Variants in CCNG2 observed in about 807,000 individuals in gnomAD.
The protein encoded by CCNG2 is cyclin-G2.
A neutral mutation model predicts 36.5 loss-of-function variants in CCNG2; 20 were observed. That is an observed-to-expected ratio of 0.55 (90% CI 0.39 to 0.80). CCNG2 has a LOEUF of 0.80. CCNG2 is among the 30% of genes least tolerant of loss of function. The pLI is 0.00. For missense variants in CCNG2, 358 were observed against 390.8 expected (o/e 0.92, Z 0.71); for synonymous variants, 155 against 140.1 (o/e 1.11, Z -0.75).
At chr4:77,159,593 T>G in intron 3 of CCNG2, 89 bp downstream of exon 3, 708 of 1,259,080 alleles carry the variant, frequency 5.6e-4, no homozygotes, top group Non-Finnish European at 7.3e-4. Flanking sequence ...CGAATGGGTA[T>G]AATAACGTCC....
chr4:77,158,329 C>T lies in CCNG2; in HGVS notation c.1-204C>T, dbSNP rs933485225. On this transcript the variant is annotated intron_variant, in intron 1 of 7. Transcript: ENST00000316355. Reference sequence around the variant, plus strand: ...CCCAGCGCTGGCCGGCGGACCTGACCACGGCTCCTCCCCCTGCCACACCTC... The same window carrying T: ...CCCAGCGCTGGCCGGCGGACCTGACTACGGCTCCTCCCCCTGCCACACCTC... 5.3e-6 allele frequency: 3 copies of T among 567,962 alleles called. No individual in the cohort carries two copies. In the Admixed American group the frequency reaches 9.7e-5, roughly 18 times the overall value. 35.2% of individuals were successfully genotyped at this position (567,962 alleles called of 1,614,324 possible). A position where few individuals can be genotyped will look rare whatever the true frequency, so the allele number is the denominator to read the frequency against.
In CCNG2 at chr4:77,167,489, T is replaced by C. The variant is rs142758573; in HGVS notation, c.*1565T>C. On this transcript the variant is annotated 3_prime_UTR_variant, in exon 8 of 8. Transcript: ENST00000316355. ...TCAGTGAGAGGCAACAGGTATTAAG[T>C]AGAACAGAATGCTCAGGTTGGCAGA... 10 of 152,336 alleles carry C rather than the reference T, an allele frequency of 6.6e-5. No individual in the cohort carries two copies. The highest frequency in any genetic ancestry group is 1.7e-4 in the African/African-American group (7 of 41,578). The allele number at this position is 152,336 out of a possible 1,614,324, so 9.4% of individuals were successfully genotyped here. A position where few individuals can be genotyped will look rare whatever the true frequency, so the allele number is the denominator to read the frequency against.
At position 77,168,006 on chromosome 4, in the gene CCNG2, T is replaced by A. The variant is rs1428927002; in HGVS notation, c.*2082T>A. On this transcript the variant is annotated 3_prime_UTR_variant, in exon 8 of 8. Transcript: ENST00000316355. ...ACTGGATATTTTTCCTGGGTAAGCA[T>A]CTTTGTGGCTTCATCTCTTCCCCCT... is the stretch of plus-strand genomic sequence containing the variant. The A allele has an allele frequency of 6.6e-6, 1 of 152,228 alleles. No homozygotes were observed. Among genetic ancestry groups the A allele is most frequent in the Non-Finnish European group, 1.5e-5 (1 of 68,056 alleles). The allele number at this position is 152,228 out of a possible 1,614,324, so 9.4% of individuals were successfully genotyped here. A position where few individuals can be genotyped will look rare whatever the true frequency, so the allele number is the denominator to read the frequency against.
chr4:77,167,246 A>T lies in CCNG2; in HGVS notation c.*1322A>T, dbSNP rs1453222139. 6.6e-6 allele frequency: 1 copy of T among 152,190 alleles called. No homozygotes were observed. The highest frequency in any genetic ancestry group is 2.4e-5 in the African/African-American group (1 of 41,440). The allele number at this position is 152,190 out of a possible 1,614,324, so 9.4% of individuals were successfully genotyped here. A position where few individuals can be genotyped will look rare whatever the true frequency, so the allele number is the denominator to read the frequency against. On this transcript the variant is annotated 3_prime_UTR_variant, in exon 8 of 8. Transcript: ENST00000316355. ...ATCACATCTTAATTTTTAATCTGTT[A>T]AAAGTTCTTGATGTATTTTAATGAG...
chr4:77,169,136 T>C lies in CCNG2; in HGVS notation c.*3212T>C, dbSNP rs1731704560. On this transcript the variant is annotated 3_prime_UTR_variant, in exon 8 of 8. Coordinates refer to ENST00000316355, the MANE Select transcript of CCNG2 (RefSeq NM_004354.3). The stretch of plus-strand genomic sequence containing the variant: ...TAGAGAGGCATTGGCTTCAGAACAC[T>C]CCTCGTGACAATTTTAACCATTTTC... The C allele has an allele frequency of 2.0e-5, 3 of 152,224 alleles. No individual in the cohort carries two copies. Among genetic ancestry groups the C allele is most frequent in the African/African-American group, 7.2e-5 (3 of 41,458 alleles). The allele number at this position is 152,224 out of a possible 1,614,324, so 9.4% of individuals were successfully genotyped here. A position where few individuals can be genotyped will look rare whatever the true frequency, so the allele number is the denominator to read the frequency against.
chr4:77,161,085 C>G (rs1369012647), intron 4 of CCNG2, 114 bp downstream of exon 4: 1 of 482,458 alleles, frequency 2.1e-6, no homozygotes, highest in East Asian at 3.7e-5. Flanking sequence ...TCAACTTTGA[C>G]TTTATTGGTA....
chr4:77,165,334 T>C (rs1731598152), intron 7 of CCNG2, among the ~76,000 whole-genome samples: 1 of 152,228 alleles, frequency 6.6e-6, no homozygotes, highest in South Asian at 2.1e-4. Context: ...TCTACAATTC[T>C]AATACTTGCT....
In CCNG2 at chr4:77,165,973, A is replaced by T. The variant is rs755160242; in HGVS notation, c.*49A>T. 33 of 1,544,920 alleles carry T rather than the reference A, an allele frequency of 2.1e-5. No homozygotes were observed. Among genetic ancestry groups the T allele is most frequent in the Admixed American group, 1.8e-4 (9 of 50,026 alleles). On this transcript the variant is annotated 3_prime_UTR_variant, in exon 8 of 8. Transcript: ENST00000316355. ...TTATATTTACAGGTTTCAAAGCAAT[A>T]AATGGGGGAATAGGTAGTTTCCTGG...
At position 77,166,058 on chromosome 4, in the gene CCNG2, C is replaced by G. The variant is rs1310467215; in HGVS notation, c.*134C>G. On this transcript the variant is annotated 3_prime_UTR_variant, in exon 8 of 8. Coordinates refer to ENST00000316355, the MANE Select transcript of CCNG2 (RefSeq NM_004354.3). ...GAATACCTACCTTCTATTTGTTATT[C>G]AGATCAGATCTGGCCTATTTTCATA... is the stretch of plus-strand genomic sequence containing the variant. 1 of 790,918 alleles carries G rather than the reference C, an allele frequency of 1.3e-6. No homozygotes were observed. Among genetic ancestry groups the G allele is most frequent in the Non-Finnish European group, 1.9e-6 (1 of 526,722 alleles). The allele number at this position is 790,918 out of a possible 1,614,324, so 49.0% of individuals were successfully genotyped here. A position where few individuals can be genotyped will look rare whatever the true frequency, so the allele number is the denominator to read the frequency against.
At chr4:77,161,054 AT>A in intron 4 of CCNG2, 83 bp downstream of exon 4, 1 of 853,978 alleles carries the variant, frequency 1.2e-6, no homozygotes, top group Non-Finnish European at 1.7e-6. Flanking sequence ...TGAAATTTAT[AT>A]TTTTACCTTC....
rs933392900 is a variant in CCNG2, at chr4:77,157,287, G to C, written c.-220G>C. ...GGCGGTGGGCTGGTCTTCCGCGGCC[G>C]GCGTTGCGCCGCGGCGGAGGGTGGG... On this transcript the variant is annotated 5_prime_UTR_variant, in exon 1 of 8. Transcript: ENST00000316355. 17 of 152,438 alleles carry C rather than the reference G, an allele frequency of 1.1e-4. No homozygotes were observed. The highest frequency in any genetic ancestry group is 3.9e-4 in the Admixed American group (6 of 15,276). The allele number at this position is 152,438 out of a possible 1,614,324, so 9.4% of individuals were successfully genotyped here. A position where few individuals can be genotyped will look rare whatever the true frequency, so the allele number is the denominator to read the frequency against.
In CCNG2 at chr4:77,168,802, G is replaced by A. The variant is rs1436255943; in HGVS notation, c.*2878G>A. On this transcript the variant is annotated 3_prime_UTR_variant, in exon 8 of 8. Transcript: ENST00000316355. Reference sequence around the variant, plus strand: ...TCAACCAGGTGGCTTTCCCATGACTGTGATGAATAAAATTGAGAAGCCCCT... The same window carrying A: ...TCAACCAGGTGGCTTTCCCATGACTATGATGAATAAAATTGAGAAGCCCCT... The A allele has an allele frequency of 6.6e-6, 1 of 152,222 alleles. No homozygotes were observed. The highest frequency in any genetic ancestry group is 2.4e-5 in the African/African-American group (1 of 41,446). 9.4% of individuals were successfully genotyped at this position (152,222 alleles called of 1,614,324 possible). A position where few individuals can be genotyped will look rare whatever the true frequency, so the allele number is the denominator to read the frequency against.
chr4:77,164,562 A>G, intron 7 of CCNG2, 83 bp downstream of exon 7: 4 of 1,023,868 alleles, frequency 3.9e-6, no homozygotes, highest in Non-Finnish European at 5.8e-6. Context: ...ATAGTGTAAG[A>G]CATCAGAGAA....
At chr4:77,162,100 C>T (rs1024428240) in intron 6 of CCNG2, among the ~76,000 whole-genome samples, 2 of 152,210 alleles carry the variant, frequency 1.3e-5, no homozygotes, top group Admixed American at 6.5e-5. Context: ...GATCCCATCA[C>T]ACCTGTAGGA....
At chr4:77,161,253 C>T (rs567168096) in intron 4 of CCNG2, among the ~76,000 whole-genome samples, 3 of 152,080 alleles carry the variant, frequency 2.0e-5, no homozygotes, top group Admixed American at 2.0e-4. Context: ...CAGGCGTGCG[C>T]CACCACACCT....
In CCNG2 at chr4:77,167,134, G is replaced by A. The variant is rs957256831; in HGVS notation, c.*1210G>A. On this transcript the variant is annotated 3_prime_UTR_variant, in exon 8 of 8. Transcript: ENST00000316355. ...CATTTTTACTGGTAAGTCAACATCCGTTGGATGTTTTCTGAAGTGGCTCTT... is the reference window on the plus strand; with the variant it reads ...CATTTTTACTGGTAAGTCAACATCCATTGGATGTTTTCTGAAGTGGCTCTT... 3.3e-5 allele frequency: 5 copies of A among 152,144 alleles called. No homozygotes were observed. Among genetic ancestry groups the A allele is most frequent in the Admixed American group, 6.5e-5 (1 of 15,270 alleles). The allele number at this position is 152,144 out of a possible 1,614,324, so 9.4% of individuals were successfully genotyped here.
intron 3 of CCNG2, 90 bp downstream of exon 3, chr4:77,159,594 A>G (rs1731371366): frequency 8.1e-7 from 1 of 1,237,818 alleles, no homozygotes; most frequent in Non-Finnish European, 1.1e-6. Context: ...GAATGGGTAT[A>G]ATAACGTCCA....
chr4:77,157,952 G>T (rs973134237), intron 1 of CCNG2, among the ~76,000 whole-genome samples: 13 of 152,008 alleles, frequency 8.6e-5, no homozygotes, highest in African/African-American at 2.2e-4. Context: ...CTCCTGGGAC[G>T]GGGGTATCCG....
rs527963654 is a variant in CCNG2 at position 77,157,953 on chromosome 4, G to C, written c.-1+447G>C. Among the ~76,000 whole-genome samples, 11 of 152,212 alleles carry C rather than the reference G, an allele frequency of 7.2e-5. No individual in the cohort carries two copies. The South Asian group carries it at 2.1e-3, about 29-fold the overall frequency. On this transcript the variant is annotated intron_variant, in intron 1 of 7. Coordinates refer to ENST00000316355, the MANE Select transcript of CCNG2 (RefSeq NM_004354.3). ...GCGCCACCCCAGGGCTCCTGGGACG[G>C]GGGTATCCGCCTCTCGGGTAAGTCC...
Sources: gnomAD v4.1 joint callset for allele counts (sites outside exome capture counted in the v4.1 genomes callset) on GRCh38, gnomAD v4.1.1 for gene constraint, MANE v1.5 for transcripts, NCBI Gene and HGNC (gene_info 2026-07-23, HGNC 2026-07-21) for gene names.